The following CNTNAP2 variants were observed in gnomAD, a reference collection of about 807,000 sequenced individuals.
CNTNAP2 encodes the protein contactin-associated protein-like 2.
Under a neutral mutation model 155.2 loss-of-function variants are expected in CNTNAP2, and 98 were observed. That is an observed-to-expected ratio of 0.63 (90% confidence interval 0.54 to 0.75). The LOEUF (loss-of-function observed/expected upper bound fraction) is 0.75, where lower values mean the gene tolerates loss of function less well. Among genes scored for constraint, CNTNAP2 ranks in the 30% least tolerant of loss-of-function variants. CNTNAP2 has a pLI of 0.00. For missense variants in CNTNAP2, 1,727 were observed against 1,688.1 expected (o/e 1.02, Z -0.40); for synonymous variants, 651 against 631.2 (o/e 1.03, Z -0.47).
intron 1 of CNTNAP2, among the ~76,000 whole-genome samples, chr7:146,650,896 C>T (rs1799899474): frequency 6.6e-6 from 1 of 152,044 alleles, no homozygotes; most frequent in Non-Finnish European, 1.5e-5. Context: ...TGGTAGGCAC[C>T]TGTATCGCAA....
intron 11 of CNTNAP2, among the ~76,000 whole-genome samples, chr7:147,522,743 C>T (rs1341492669): frequency 1.5e-5 from 2 of 129,150 alleles, no homozygotes; most frequent in Non-Finnish European, 3.2e-5. Context: ...TGCCCATACT[C>T]AAACTTCAAA....
chr7:147,619,512 G>A (rs1308363082), intron 12 of CNTNAP2, among the ~76,000 whole-genome samples: 3 of 152,184 alleles, frequency 2.0e-5, no homozygotes, highest in Non-Finnish European at 4.4e-5. Flanking sequence ...AGAGCCGTGG[G>A]CCTTAAGGGA....
Position 147,472,204 on chromosome 7 carries a change from C to CT in CNTNAP2, c.1671-13705dup, listed in dbSNP as rs542047274. Among the ~76,000 whole-genome samples the CT allele has an allele frequency of 5.2e-3, 425 of 81,062 alleles. 3 individuals carry two copies. Among genetic ancestry groups the CT allele is most frequent in the South Asian group, 8.9e-3 (18 of 2,018 alleles). The allele number at this position is 81,062 out of a possible 152,430, so 53.2% of individuals were successfully genotyped here. A position where few individuals can be genotyped will look rare whatever the true frequency, so the allele number is the denominator to read the frequency against. On this transcript the variant is annotated intron_variant, in intron 10 of 23. Coordinates refer to ENST00000361727, the MANE Select transcript of CNTNAP2 (RefSeq NM_014141.6). Reference sequence around the variant, plus strand: ...ATCCATTGAAGTTTTTCTTTTTTTCCTTTTTTTTTTTTTTTTTTTTTTTTT... The same window carrying CT: ...ATCCATTGAAGTTTTTCTTTTTTTCCTTTTTTTTTTTTTTTTTTTTTTTTTT...
intron 16 of CNTNAP2, among the ~76,000 whole-genome samples, chr7:148,129,907 A>T (rs1310402449): frequency 6.6e-6 from 1 of 152,202 alleles, no homozygotes; most frequent in Non-Finnish European, 1.5e-5. Flanking sequence ...CCTAAGGATG[A>T]TGGGGGGAGG....
chr7:146,847,943 C>T (rs10273603), intron 3 of CNTNAP2, among the ~76,000 whole-genome samples: 5,590 of 152,162 alleles, frequency 0.037, 339 homozygotes, highest in African/African-American at 0.13. Flanking sequence ...GCGTTAACTT[C>T]GGAAAGAAAT....
intron 12 of CNTNAP2, among the ~76,000 whole-genome samples, chr7:147,619,856 T>C (rs1225288573): frequency 6.6e-6 from 1 of 152,170 alleles, no homozygotes; most frequent in Non-Finnish European, 1.5e-5. Context: ...AGGGAGTGGT[T>C]ACAGCAGGTC....
chr7:147,508,238 T>C (rs373826369), intron 11 of CNTNAP2, among the ~76,000 whole-genome samples: 180 of 152,306 alleles, frequency 1.2e-3, no homozygotes, highest in African/African-American at 4.2e-3. Flanking sequence ...GCTTGGCATA[T>C]TGAAAATCAA....
At chr7:148,304,053 C>T (rs1797443466) in intron 21 of CNTNAP2, among the ~76,000 whole-genome samples, 2 of 152,232 alleles carry the variant, frequency 1.3e-5, no homozygotes, top group African/African-American at 4.8e-5. Flanking sequence ...CCTCTAGATA[C>T]ATTCAGAGGG....
At chr7:146,961,164 G>T (rs1375562597) in intron 3 of CNTNAP2, among the ~76,000 whole-genome samples, 1 of 152,228 alleles carries the variant, frequency 6.6e-6, no homozygotes, top group East Asian at 1.9e-4. Context: ...AAAGTGACCC[G>T]TGAACCCATT....
rs555493944 is a variant in CNTNAP2, at chr7:147,171,014, A to T, written c.1348+38505A>T. ...GGGCTCTGTCAGATCTGTTCCACAC[A>T]CAAATGTCCCCAGCTCCATGTCTGC... On this transcript the variant is annotated intron_variant, in intron 8 of 23. Coordinates refer to ENST00000361727, the MANE Select transcript of CNTNAP2 (RefSeq NM_014141.6). 4.2e-4 allele frequency among the ~76,000 whole-genome samples: 64 copies of T among 152,212 alleles called. 1 individual carries two copies. Among genetic ancestry groups the T allele is most frequent in the Non-Finnish European group, 1.5e-5 (1 of 67,996 alleles).
intron 18 of CNTNAP2, among the ~76,000 whole-genome samples, chr7:148,180,594 T>A (rs1428569141): frequency 6.6e-6 from 1 of 151,678 alleles, no homozygotes; most frequent in Non-Finnish European, 1.5e-5. Flanking sequence ...AGAAGTTGCG[T>A]CTCTGGTATC....
intron 21 of CNTNAP2, among the ~76,000 whole-genome samples, chr7:148,306,390 T>C (rs1051184210): frequency 3.3e-5 from 5 of 152,336 alleles, no homozygotes; most frequent in Admixed American, 1.3e-4. Context: ...GGACAATTTC[T>C]TCTTTCATTT....
rs549933258 is a variant in CNTNAP2, at chr7:147,374,749, T to A, written c.1499-20860T>A. The stretch of plus-strand genomic sequence containing the variant: ...CATAGGAAAAGAGGAATTTCCCTTT[T>A]TTCTTTTGAGGGGCCCTTTTCCTGG... On this transcript the variant is annotated intron_variant, in intron 9 of 23. Coordinates refer to ENST00000361727, the MANE Select transcript of CNTNAP2 (RefSeq NM_014141.6). Among the ~76,000 whole-genome samples the A allele has an allele frequency of 3.7e-3, 559 of 152,168 alleles. 3 individuals carry two copies. The highest frequency in any genetic ancestry group is 0.013 in the African/African-American group (520 of 41,546).
intron 2 of CNTNAP2, among the ~76,000 whole-genome samples, chr7:146,788,215 G>C (rs1322831649): frequency 2.0e-5 from 3 of 152,236 alleles, no homozygotes; most frequent in Non-Finnish European, 4.4e-5. Context: ...AGAGCAGAGG[G>C]AGCGGACTCT....
intron 8 of CNTNAP2, among the ~76,000 whole-genome samples, chr7:147,270,109 C>T (rs1804708513): frequency 6.6e-6 from 1 of 152,044 alleles, no homozygotes; most frequent in African/African-American, 2.4e-5. Context: ...CGCAACATAA[C>T]ATGGTGACTC....
chr7:147,292,542 G>A (rs935047470), intron 8 of CNTNAP2, among the ~76,000 whole-genome samples: 2 of 151,922 alleles, frequency 1.3e-5, no homozygotes, highest in Admixed American at 6.6e-5. Context: ...GGTTAGAATC[G>A]CATGGTATGT....
intron 1 of CNTNAP2, among the ~76,000 whole-genome samples, chr7:146,500,385 G>A (rs1198509926): frequency 6.6e-6 from 1 of 152,158 alleles, no homozygotes. Context: ...AAAATTAGGA[G>A]TTTGTATAGC....
chr7:146,575,297 A>C (rs1476420548), intron 1 of CNTNAP2, among the ~76,000 whole-genome samples: 2 of 152,064 alleles, frequency 1.3e-5, no homozygotes, highest in Non-Finnish European at 2.9e-5. Flanking sequence ...TTGTATTCTT[A>C]GTAGAGACAG....
intron 7 of CNTNAP2, among the ~76,000 whole-genome samples, chr7:147,131,556 C>A (rs1801369480): frequency 6.6e-6 from 1 of 151,596 alleles, no homozygotes. Context: ...CTCCATTTAG[C>A]CCATTTATAG....
Sources: gnomAD v4.1 joint callset for allele counts (sites outside exome capture counted in the v4.1 genomes callset) on GRCh38, gnomAD v4.1.1 for gene constraint, MANE v1.5 for transcripts, NCBI Gene and HGNC (gene_info 2026-07-23, HGNC 2026-07-21) for gene names.